The following NRBP2 variants were observed in gnomAD, a reference collection of about 807,000 sequenced individuals.
NRBP2 encodes nuclear receptor binding protein 2.
Under a neutral mutation model 74.4 loss-of-function variants are expected in NRBP2, and 47 were observed. The ratio of observed to expected loss-of-function variants is 0.63; its 90% confidence interval spans 0.50 to 0.81. NRBP2 has a LOEUF of 0.81. Among genes scored for constraint, NRBP2 ranks in the 30% least tolerant of loss-of-function variants. NRBP2 has a pLI of 0.00. For synonymous variants in NRBP2, 312 were observed against 273.8 expected (o/e 1.14, Z -1.38); for missense variants, 613 against 690.1 (o/e 0.89, Z 1.25).
chr8:143,838,353 T>C (rs1202737594), intron 10 of NRBP2, among the ~76,000 whole-genome samples: 4 of 152,236 alleles, frequency 2.6e-5, no homozygotes, highest in East Asian at 3.8e-4. Context: ...GGTGCAGATG[T>C]TGGCTCCACC....
rs782525529 is a variant in NRBP2, at chr8:143,836,147, C to T, written c.1297G>A (p.Glu433Lys). Reference sequence around the variant, plus strand: ...CTCACATGCCAGCGCGCCTTGTCCTCGCTTCTCTCCAGGTTGCACTGCATC... The same window carrying T: ...CTCACATGCCAGCGCGCCTTGTCCTTGCTTCTCTCCAGGTTGCACTGCATC... ...IQMQCNLERS[E>K]DKARWHLTLL... The change falls in exon 15 of 18, where the codon GAG becomes AAG. Residue 433 changes from glutamate (E) to lysine (K), a missense_variant. By Grantham distance (56) the Glu-to-Lys change is moderately conservative. This residue lies in a region of NRBP2 where 281 missense variants were observed against 260.9 expected (regional missense o/e 1.08). Transcript: ENST00000442628. The T allele has an allele frequency of 2.6e-5, 41 of 1,595,876 alleles. No homozygotes were observed. Among genetic ancestry groups the T allele is most frequent in the Non-Finnish European group, 3.1e-5 (36 of 1,174,136 alleles).
downstream of NRBP2, among the ~76,000 whole-genome samples, chr8:143,830,676 C>A (rs189996005): frequency 2.8e-4 from 42 of 152,346 alleles, no homozygotes; most frequent in East Asian, 7.1e-3. Flanking sequence ...TCATAAGCCC[C>A]AGCCACTAAA....
chr8:143,834,595 T>C lies in NRBP2; in HGVS notation c.*1067A>G, dbSNP rs1818280603. 6.6e-6 allele frequency: 1 copy of C among 152,246 alleles called. No homozygotes were observed. Among genetic ancestry groups the C allele is most frequent in the Non-Finnish European group, 1.5e-5 (1 of 68,048 alleles). 9.4% of individuals were successfully genotyped at this position (152,246 alleles called of 1,614,324 possible). On this transcript the variant is annotated 3_prime_UTR_variant, in exon 18 of 18. Transcript: ENST00000442628. ...CGGCAGTATAAAACTAATACAGTGG[T>C]GTGCCTTCCTGGTTGACATTTGAAA...
In NRBP2 at chr8:143,835,169, G is replaced by A. The variant is rs1818303958; in HGVS notation, c.*493C>T. 5.8e-6 allele frequency: 1 copy of A among 172,866 alleles called. No individual in the cohort carries two copies. The highest frequency in any genetic ancestry group is 1.2e-5 in the Non-Finnish European group (1 of 80,784). The allele number at this position is 172,866 out of a possible 1,614,324, so 10.7% of individuals were successfully genotyped here. The stretch of plus-strand genomic sequence containing the variant: ...CCCAGTGCCATGCCTGACACCTGCA[G>A]GTGTGTCACCGCTGGCTTGCTGTGC... On this transcript the variant is annotated 3_prime_UTR_variant, in exon 18 of 18. Transcript: ENST00000442628. This position sits in a 1 kb window ranked among gnomAD's most constrained non-coding sequence, Gnocchi z 4.9.
rs868962822 is a variant in NRBP2, at chr8:143,837,241, G to T, written c.1127+8C>A. On this transcript the variant is annotated splice_region_variant and intron_variant, in intron 13 of 17. Transcript: ENST00000442628. This position sits in a 1 kb window ranked among gnomAD's most constrained non-coding sequence, Gnocchi z 4.3. Reference sequence around the variant, plus strand: ...CTGCCTGGCCCCCAACCTTACATCAGTTCTCACCTGACATCCTCCAGGAAT... The same window carrying T: ...CTGCCTGGCCCCCAACCTTACATCATTTCTCACCTGACATCCTCCAGGAAT... The T allele has an allele frequency of 1.2e-6, 2 of 1,613,802 alleles. No homozygotes were observed. The highest frequency in any genetic ancestry group is 3.3e-4 in the Middle Eastern group (2 of 6,060).
In NRBP2 at chr8:143,836,114, A is replaced by C; in HGVS notation, c.1317+13T>G. 3 of 1,601,178 alleles carry C rather than the reference A, an allele frequency of 1.9e-6. No individual in the cohort carries two copies. The highest frequency in any genetic ancestry group is 2.6e-6 in the Non-Finnish European group (3 of 1,175,814). Reference sequence around the variant, plus strand: ...TTCCCCACGGCAGCGCCGCCCTCCCAGGCCCCGCTCACATGCCAGCGCGCC... The same window carrying C: ...TTCCCCACGGCAGCGCCGCCCTCCCCGGCCCCGCTCACATGCCAGCGCGCC... On this transcript the variant is annotated intron_variant, in intron 15 of 17. Coordinates refer to ENST00000442628, the MANE Select transcript of NRBP2 (RefSeq NM_178564.4).
chr8:143,830,026 A>G (rs1387352818), downstream of NRBP2, among the ~76,000 whole-genome samples: 2 of 152,228 alleles, frequency 1.3e-5, no homozygotes, highest in African/African-American at 4.8e-5. Flanking sequence ...GGTCATCCGA[A>G]GAAGCCACAT....
Position 143,839,417 on chromosome 8 carries a change from G to A in NRBP2, c.486-9C>T, listed in dbSNP as rs1466005467. On this transcript the variant is annotated splice_polypyrimidine_tract_variant and intron_variant, in intron 5 of 17. Coordinates refer to ENST00000442628, the MANE Select transcript of NRBP2 (RefSeq NM_178564.4). The surrounding 1 kb of genome is among the most constrained non-coding windows in gnomAD (Gnocchi z 5.1). ...TGCAGGCGTGCAGGAAGCTGCAGAC[G>A]TTGGGGAGGGGAGAGTAGGAGGAGC... The A allele has an allele frequency of 1.3e-6, 2 of 1,556,438 alleles. No homozygotes were observed. Among genetic ancestry groups the A allele is most frequent in the Non-Finnish European group, 1.7e-6 (2 of 1,158,740 alleles).
In NRBP2 at chr8:143,840,329, G is replaced by C; in HGVS notation, c.130-100C>G. The C allele has an allele frequency of 6.9e-7, 1 of 1,453,392 alleles. No individual in the cohort carries two copies. The highest frequency in any genetic ancestry group is 2.1e-4 in the Middle Eastern group (1 of 4,698). 90.0% of individuals were successfully genotyped at this position (1,453,392 alleles called of 1,614,324 possible). ...ACCTTTCCAGTGGGCCCAAGCGTGG[G>C]CTGCAGGCCCTGAGCCACTCTGCGG... On this transcript the variant is annotated intron_variant, in intron 1 of 17. Transcript: ENST00000442628. This position sits in a 1 kb window ranked among gnomAD's most constrained non-coding sequence, Gnocchi z 5.7.
At position 143,839,128 on chromosome 8, in the gene NRBP2, C is replaced by G; in HGVS notation, c.605-28G>C. On this transcript the variant is annotated intron_variant, in intron 7 of 17. Coordinates refer to ENST00000442628, the MANE Select transcript of NRBP2 (RefSeq NM_178564.4). This position sits in a 1 kb window ranked among gnomAD's most constrained non-coding sequence, Gnocchi z 5.1. ...GTGGGAGGGCGCAGAGCTGAGCGGGCGGGGACCTCTCCAGGACCCCGTCCC... is the reference window on the plus strand; with the variant it reads ...GTGGGAGGGCGCAGAGCTGAGCGGGGGGGGACCTCTCCAGGACCCCGTCCC... 1 of 1,511,428 alleles carries G rather than the reference C, an allele frequency of 6.6e-7. No individual in the cohort carries two copies. The highest frequency in any genetic ancestry group is 1.4e-5 in the African/African-American group (1 of 72,774). The allele number at this position is 1,511,428 out of a possible 1,614,324, so 93.6% of individuals were successfully genotyped here.
Position 143,839,285 on chromosome 8 carries a change from T to TACCCC in NRBP2, c.580+28_580+29insGGGGT. 6.5e-7 allele frequency: 1 copy of TACCCC among 1,537,328 alleles called. No individual in the cohort carries two copies. Among genetic ancestry groups the TACCCC allele is most frequent in the Non-Finnish European group, 8.7e-7 (1 of 1,147,662 alleles). Reference sequence around the variant, plus strand: ...CTCCAGGCACCTTCCCCTGCCCCGTTCCCCCACCCAGCCCTGCCCCGCCAG... The same window carrying TACCCC: ...CTCCAGGCACCTTCCCCTGCCCCGTTACCCCCCCCCACCCAGCCCTGCCCCGCCAG... On this transcript the variant is annotated intron_variant, in intron 6 of 17. Coordinates refer to ENST00000442628, the MANE Select transcript of NRBP2 (RefSeq NM_178564.4). The surrounding 1 kb of genome is among the most constrained non-coding windows in gnomAD (Gnocchi z 5.1).
Position 143,839,866 on chromosome 8 carries a change from C to T in NRBP2, c.355-41G>A, listed in dbSNP as rs1386370797. 2 of 1,534,818 alleles carry T rather than the reference C, an allele frequency of 1.3e-6. No homozygotes were observed. Among genetic ancestry groups the T allele is most frequent in the African/African-American group, 1.4e-5 (1 of 73,042 alleles). ...TCAGGATTTCCACCAGCTGCGGGTT[C>T]GTCCCCATGCCCGCCCCACCTAGCT... is the stretch of plus-strand genomic sequence containing the variant. On this transcript the variant is annotated intron_variant, in intron 3 of 17. Coordinates refer to ENST00000442628, the MANE Select transcript of NRBP2 (RefSeq NM_178564.4). This position sits in a 1 kb window ranked among gnomAD's most constrained non-coding sequence, Gnocchi z 5.1.
chr8:143,837,050 C>T lies in NRBP2; in HGVS notation c.1252G>A (p.Glu418Lys), dbSNP rs1818434321. The change falls in exon 14 of 18, where the codon GAG becomes AAG. Residue 418 changes from glutamate to lysine, a missense_variant. Glu to Lys is a moderately conservative substitution (Grantham distance 56, BLOSUM62 1). Coordinates refer to ENST00000442628, the MANE Select transcript of NRBP2 (RefSeq NM_178564.4). This position sits in a 1 kb window ranked among gnomAD's most constrained non-coding sequence, Gnocchi z 4.3. ...KTPTPEPFDSETRKVIQMQCN... is the reference protein window; with the variant it reads ...KTPTPEPFDSKTRKVIQMQCN... ...GAGAGGGGACTCACCTTTCTGGTCT[C>T]AGAGTCAAAGGGCTCTGGCGTCGGG... The T allele has an allele frequency of 4.3e-6, 7 of 1,610,250 alleles. No individual in the cohort carries two copies. The highest frequency in any genetic ancestry group is 5.9e-6 in the Non-Finnish European group (7 of 1,178,832).
chr8:143,837,369 G>A lies in NRBP2; in HGVS notation c.1076+38C>T. On this transcript the variant is annotated intron_variant, in intron 12 of 17. Transcript: ENST00000442628. This position sits in a 1 kb window ranked among gnomAD's most constrained non-coding sequence, Gnocchi z 4.3. ...GGGAGGGGAGGTGCGGGGAGGGGAG[G>A]TGTGGGGAGGGGAGGCTTCTGGGTG... 2.0e-6 allele frequency: 3 copies of A among 1,477,362 alleles called. No homozygotes were observed. Among genetic ancestry groups the A allele is most frequent in the Non-Finnish European group, 2.8e-6 (3 of 1,076,966 alleles). The allele number at this position is 1,477,362 out of a possible 1,614,324, so 91.5% of individuals were successfully genotyped here. A position where few individuals can be genotyped will look rare whatever the true frequency, so the allele number is the denominator to read the frequency against.
At chr8:143,836,880 C>T (rs1379177958) in intron 14 of NRBP2, among the ~76,000 whole-genome samples, 159 bp downstream of exon 14, 1 of 151,922 alleles carries the variant, frequency 6.6e-6, no homozygotes, top group African/African-American at 2.4e-5. Context: ...CCTATAACCC[C>T]CATGACCCCC....
Position 143,835,916 on chromosome 8 carries a change from A to AC in NRBP2, c.1382-42dup, listed in dbSNP as rs1818352587. On this transcript the variant is annotated intron_variant, in intron 16 of 17. Transcript: ENST00000442628. The surrounding 1 kb of genome is among the most constrained non-coding windows in gnomAD (Gnocchi z 4.9). ...AAGGCGAGGCATGAGGCCGCTGCCC[A>AC]CCCGCCGCCTGGGGTCACCGCCCGC... 1 of 1,592,692 alleles carries AC rather than the reference A, an allele frequency of 6.3e-7. No individual in the cohort carries two copies. Among genetic ancestry groups the AC allele is most frequent in the African/African-American group, 1.3e-5 (1 of 74,548 alleles).
rs781887832 is a variant in NRBP2, at chr8:143,839,137, C to T, written c.604+35G>A. 2.0e-6 allele frequency: 3 copies of T among 1,514,444 alleles called. No individual in the cohort carries two copies. The Admixed American group carries it at 6.0e-5, about 30-fold the overall frequency. The allele number at this position is 1,514,444 out of a possible 1,614,324, so 93.8% of individuals were successfully genotyped here. On this transcript the variant is annotated intron_variant, in intron 7 of 17. Coordinates refer to ENST00000442628, the MANE Select transcript of NRBP2 (RefSeq NM_178564.4). The surrounding 1 kb of genome is among the most constrained non-coding windows in gnomAD (Gnocchi z 5.1). ...CGCAGAGCTGAGCGGGCGGGGACCT[C>T]TCCAGGACCCCGTCCCCCCAAAGTC...
Position 143,835,460 on chromosome 8 carries a change from G to T in NRBP2, c.*202C>A. 1 of 655,042 alleles carries T rather than the reference G, an allele frequency of 1.5e-6. No homozygotes were observed. Among genetic ancestry groups the T allele is most frequent in the Non-Finnish European group, 2.7e-6 (1 of 367,532 alleles). 40.6% of individuals were successfully genotyped at this position (655,042 alleles called of 1,614,324 possible). On this transcript the variant is annotated 3_prime_UTR_variant, in exon 18 of 18. Transcript: ENST00000442628. This position sits in a 1 kb window ranked among gnomAD's most constrained non-coding sequence, Gnocchi z 4.9. ...ATCCTAAGGACCTGGGAGGCCTAAC[G>T]GCTCCCCCACACCCACCCCCCAACC... is the stretch of plus-strand genomic sequence containing the variant.
At chr8:143,838,090 C>T (rs1361853778) in intron 10 of NRBP2, 11 of 554,000 alleles carry the variant, frequency 2.0e-5, no homozygotes, top group East Asian at 1.1e-4. Flanking sequence ...ACACTGGAGA[C>T]GACCTTGATG....
Sources: allele counts gnomAD v4.1 joint callset (sites outside exome capture counted in the v4.1 genomes callset), GRCh38; gene constraint gnomAD v4.1.1; regional missense constraint gnomAD v4.1.1; non-coding constraint Gnocchi (gnomAD v3.1); transcripts MANE v1.5; gene names NCBI Gene and HGNC (gene_info 2026-07-23, HGNC 2026-07-21).